Variants in ZNF469 observed in about 807,000 individuals in gnomAD.
ZNF469 encodes the protein zinc finger protein 469.
In ZNF469, 1 loss-of-function variant was observed where a neutral mutation model predicts 1.0. The observed-to-expected ratio is 1.00, with a 90% confidence interval of 0.35 to 4.73. The LOEUF is 4.73. Among genes scored for constraint, ZNF469 ranks in the 30% most tolerant of loss-of-function variants. The pLI, the probability that ZNF469 is intolerant of heterozygous loss-of-function variation, is 0.16. For synonymous variants in ZNF469, 2,703 were observed against 2,363.4 expected, an observed-to-expected ratio of 1.14 and a Z score of -4.17; for missense variants, 6,100 against 5,356.3, an observed-to-expected ratio of 1.14 and a Z score of -4.33.
the ZNF469 span, among the ~76,000 whole-genome samples, chr16:88,185,648 A>G: frequency 6.6e-6 from 1 of 151,720 alleles, no homozygotes; most frequent in African/African-American, 2.4e-5. Flanking sequence ...ACACATGTGA[A>G]TATAGTATAT....
the ZNF469 span, among the ~76,000 whole-genome samples, chr16:88,146,248 G>T: frequency 6.6e-6 from 1 of 152,246 alleles, no homozygotes; most frequent in Admixed American, 6.5e-5. Context: ...GCACGTGGCA[G>T]GTGCTCTGGC....
the ZNF469 span, among the ~76,000 whole-genome samples, chr16:88,334,199 G>C: frequency 6.6e-6 from 1 of 152,150 alleles, no homozygotes; most frequent in Non-Finnish European, 1.5e-5. Context: ...CCTTTCCTAA[G>C]AGACCAAAGA....
At chr16:88,295,898 C>G in the ZNF469 span, among the ~76,000 whole-genome samples, 1 of 152,162 alleles carries the variant, frequency 6.6e-6, no homozygotes, top group Non-Finnish European at 1.5e-5. Flanking sequence ...TGCGTTCTGT[C>G]GCCCCAGAAA....
the ZNF469 span, among the ~76,000 whole-genome samples, chr16:88,234,424 G>A: frequency 2.0e-5 from 3 of 152,238 alleles, no homozygotes; most frequent in African/African-American, 4.8e-5. Flanking sequence ...AGCTCAGAAC[G>A]GTACAAAGAA....
intron 1 of ZNF469, among the ~76,000 whole-genome samples, chr16:88,386,156 G>A (rs2092536337): frequency 6.6e-6 from 1 of 152,090 alleles, no homozygotes; most frequent in South Asian, 2.1e-4. Context: ...CTCCTGGCCA[G>A]CCAGCCCACC....
the ZNF469 span, among the ~76,000 whole-genome samples, chr16:88,354,985 G>T: frequency 2.0e-5 from 3 of 152,188 alleles, no homozygotes; most frequent in African/African-American, 7.2e-5. Flanking sequence ...TCGTCTCTAG[G>T]CCCTTGTCCC....
At chr16:88,232,827 T>C in the ZNF469 span, among the ~76,000 whole-genome samples, 1 of 152,248 alleles carries the variant, frequency 6.6e-6, no homozygotes, top group African/African-American at 2.4e-5. Flanking sequence ...CAGCAACTAT[T>C]TGACATTCGG....
At chr16:88,260,033 A>T in the ZNF469 span, among the ~76,000 whole-genome samples, 21 of 151,902 alleles carry the variant, frequency 1.4e-4, no homozygotes, top group African/African-American at 5.1e-4. The surrounding 1 kb of genome is among the most constrained non-coding windows in gnomAD (Gnocchi z 4.1). Flanking sequence ...GCTGGAGTGC[A>T]GTGGTAAGAT....
the ZNF469 span, among the ~76,000 whole-genome samples, chr16:88,307,129 T>C: frequency 6.6e-6 from 1 of 152,262 alleles, no homozygotes; most frequent in Non-Finnish European, 1.5e-5. Context: ...TGGTGTCTTT[T>C]ACTCAGCATG....
chr16:88,327,556 G>C, the ZNF469 span, among the ~76,000 whole-genome samples: 207 of 152,224 alleles, frequency 1.4e-3, 1 homozygote, highest in African/African-American at 4.6e-3. Flanking sequence ...TTGGGGTTGG[G>C]GGGGGGTCTG....
At chr16:88,406,168 C>G (rs184786626) in intron 1 of ZNF469, among the ~76,000 whole-genome samples, 1 of 152,348 alleles carries the variant, frequency 6.6e-6, no homozygotes, top group East Asian at 1.9e-4. Context: ...GGTGGGACTG[C>G]CCAGGAAACC....
intron 1 of ZNF469, among the ~76,000 whole-genome samples, chr16:88,417,099 C>G (rs1168361865): frequency 6.6e-6 from 1 of 152,210 alleles, no homozygotes; most frequent in Admixed American, 6.5e-5. Flanking sequence ...TGCTGCTTGG[C>G]ACATGGAGGA....
the ZNF469 span, among the ~76,000 whole-genome samples, chr16:88,277,081 A>C: frequency 6.7e-6 from 1 of 149,994 alleles, no homozygotes; most frequent in Non-Finnish European, 1.5e-5. Flanking sequence ...CTCAGTCTGT[A>C]CTGTGTAGAT....
At chr16:88,374,480 G>A in the ZNF469 span, among the ~76,000 whole-genome samples, 1 of 152,188 alleles carries the variant, frequency 6.6e-6, no homozygotes, top group African/African-American at 2.4e-5. Flanking sequence ...AACATAGCTG[G>A]GGGCCCCGAC....
the ZNF469 span, among the ~76,000 whole-genome samples, chr16:88,219,050 C>G: frequency 1.3e-5 from 2 of 149,182 alleles, no homozygotes; most frequent in African/African-American, 2.5e-5. Context: ...ACCTAGGAAT[C>G]CAACTGACAA....
chr16:88,149,526 C>T, the ZNF469 span, among the ~76,000 whole-genome samples: 94 of 152,344 alleles, frequency 6.2e-4, no homozygotes, highest in Non-Finnish European at 1.2e-3. Flanking sequence ...TCCTGACACC[C>T]TTTGCAGCGC....
Position 88,439,313 on chromosome 16 carries a change from A to G in ZNF469, c.11843A>G (p.Lys3948Arg), listed in dbSNP as rs2142318551. The G allele has an allele frequency of 6.5e-7, 1 of 1,550,358 alleles. No individual in the cohort carries two copies. The highest frequency in any genetic ancestry group is 8.7e-7 in the Non-Finnish European group (1 of 1,146,982). Residue 3948 changes from lysine (K) to arginine (R), a missense_variant, in exon 3 of 3, where the codon AAG becomes AGG. By Grantham distance (26) the Lys-to-Arg change is conservative (BLOSUM62 2). Transcript: ENST00000565624. The stretch of plus-strand genomic sequence containing the variant: ...CTAACTGGCTTCAAAATCCCTTTAA[A>G]GAAAGATGCTTCCGAGTAATTTCTA... ...QRLTGFKIPL[K>R]KDASE
chr16:88,327,498 C>T, the ZNF469 span, among the ~76,000 whole-genome samples: 4 of 152,188 alleles, frequency 2.6e-5, no homozygotes, highest in African/African-American at 9.7e-5. Flanking sequence ...ATCTGCGGTT[C>T]CCAGGGCCAG....
At chr16:88,329,768 T>C in the ZNF469 span, among the ~76,000 whole-genome samples, 2 of 152,210 alleles carry the variant, frequency 1.3e-5, no homozygotes, top group Non-Finnish European at 2.9e-5. Flanking sequence ...GCTGAAAACA[T>C]GGGGTTGGGG....
Sources: allele counts gnomAD v4.1 joint callset (sites outside exome capture counted in the v4.1 genomes callset), GRCh38; gene constraint gnomAD v4.1.1; non-coding constraint Gnocchi (gnomAD v3.1); transcripts MANE v1.5; gene names NCBI Gene and HGNC (gene_info 2026-07-23, HGNC 2026-07-21).